RAP1GDS1: variants seen among roughly 807,000 people sequenced by gnomAD.
RAP1GDS1 encodes RAP1, GTP-GDP dissociation stimulator 1.
In RAP1GDS1, 35 loss-of-function variants were observed where a neutral mutation model predicts 71.1. That is an observed-to-expected ratio of 0.49 (90% CI 0.38 to 0.65). The LOEUF (loss-of-function observed/expected upper bound fraction) is 0.65. RAP1GDS1 is among the 30% of genes least tolerant of loss of function. The pLI, the probability that RAP1GDS1 is intolerant of heterozygous loss-of-function variation, is 0.00. For synonymous variants in RAP1GDS1, 229 were observed against 243.1 expected (o/e 0.94, Z 0.54); for missense variants, 663 against 706.1 (o/e 0.94, Z 0.69).
In RAP1GDS1 at chr4:98,416,841, C is replaced by G. The variant is rs751563026; in HGVS notation, c.860C>G (p.Thr287Ser). ...GATAGTGACAAAGAAGATGATATTA[C>G]TGAGCTCAAAACTGGTTCAGATCTC... ...KVDSDKEDDITELKTGSDLMV... is the reference protein window; with the variant it reads ...KVDSDKEDDISELKTGSDLMV... The change falls in exon 8 of 15, where the codon ACT (threonine) becomes AGT (serine). Residue 287 changes from threonine to serine, a missense_variant. By Grantham distance (58) the Thr-to-Ser change is moderately conservative. Coordinates refer to ENST00000408927, the MANE Select transcript of RAP1GDS1 (RefSeq NM_001100427.2). The G allele has an allele frequency of 6.2e-7, 1 of 1,613,986 alleles. No individual in the cohort carries two copies. The highest frequency in any genetic ancestry group is 1.1e-5 in the South Asian group (1 of 91,064).
At chr4:98,330,667 G>A (rs1205897443) in intron 2 of RAP1GDS1, among the ~76,000 whole-genome samples, 6 of 147,238 alleles carry the variant, frequency 4.1e-5, no homozygotes, top group Non-Finnish European at 7.5e-5. Context: ...ACGGGATGAC[G>A]GCCGGGAAGA....
chr4:98,286,634 T>A (rs1578307800), intron 1 of RAP1GDS1, among the ~76,000 whole-genome samples: 1 of 151,950 alleles, frequency 6.6e-6, no homozygotes, highest in Admixed American at 6.6e-5. Flanking sequence ...CCTATAATCC[T>A]AGCACTTTGG....
chr4:98,426,883 C>T (rs1749693132), intron 12 of RAP1GDS1, among the ~76,000 whole-genome samples: 1 of 152,030 alleles, frequency 6.6e-6, no homozygotes, highest in Non-Finnish European at 1.5e-5. Flanking sequence ...GCCAATATCA[C>T]CCTAATACCA....
intron 1 of RAP1GDS1, among the ~76,000 whole-genome samples, chr4:98,263,230 A>T (rs541333868): frequency 6.6e-6 from 1 of 152,166 alleles, no homozygotes; most frequent in South Asian, 2.1e-4. Flanking sequence ...CAATAACCCT[A>T]TCTGATATTG....
chr4:98,268,641 A>G (rs1203331307), intron 1 of RAP1GDS1, among the ~76,000 whole-genome samples: 3 of 152,292 alleles, frequency 2.0e-5, no homozygotes, highest in South Asian at 2.1e-4. Flanking sequence ...CAAAATCAGC[A>G]TAGAAAAATC....
At chr4:98,356,134 T>G (rs1026673925) in intron 4 of RAP1GDS1, among the ~76,000 whole-genome samples, 2 of 152,138 alleles carry the variant, frequency 1.3e-5, no homozygotes, top group Non-Finnish European at 2.9e-5. Flanking sequence ...GAAAGGAAAG[T>G]TGTATTTCAA....
intron 2 of RAP1GDS1, among the ~76,000 whole-genome samples, chr4:98,319,674 G>A (rs10034649): frequency 0.046 from 6,936 of 151,554 alleles, 396 homozygotes; most frequent in African/African-American, 0.13. Flanking sequence ...CCAGCTACTC[G>A]GGAGGTTGAG....
At chr4:98,293,697 G>T (rs186735459) in intron 2 of RAP1GDS1, among the ~76,000 whole-genome samples, 182 bp downstream of exon 2, 1 of 152,012 alleles carries the variant, frequency 6.6e-6, no homozygotes, top group African/African-American at 2.4e-5. Flanking sequence ...CCACGCCCCC[G>T]CAAGATCCTC....
At chr4:98,397,754 A>G (rs1744764072) in intron 6 of RAP1GDS1, among the ~76,000 whole-genome samples, 1 of 152,122 alleles carries the variant, frequency 6.6e-6, no homozygotes, top group African/African-American at 2.4e-5. Context: ...CTATCCAAGG[A>G]GAATGCTATG....
chr4:98,400,175 A>G (rs977095728), intron 6 of RAP1GDS1, among the ~76,000 whole-genome samples: 2 of 151,954 alleles, frequency 1.3e-5, no homozygotes, highest in Non-Finnish European at 2.9e-5. Context: ...AAAAAACACA[A>G]ATAGAACTAC....
intron 1 of RAP1GDS1, among the ~76,000 whole-genome samples, chr4:98,291,818 C>T (rs953189383): frequency 1.3e-5 from 2 of 152,066 alleles, no homozygotes; most frequent in Non-Finnish European, 1.5e-5. Flanking sequence ...TAGTCCTCAG[C>T]CTTAATCAGA....
intron 6 of RAP1GDS1, among the ~76,000 whole-genome samples, chr4:98,399,325 A>T (rs1354793836): frequency 6.6e-6 from 1 of 152,176 alleles, no homozygotes; most frequent in Non-Finnish European, 1.5e-5. Flanking sequence ...CCAACTGGGG[A>T]TTTATTCCAG....
chr4:98,361,214 C>CAT (rs927620284), intron 4 of RAP1GDS1, among the ~76,000 whole-genome samples: 5 of 151,342 alleles, frequency 3.3e-5, no homozygotes, highest in East Asian at 1.9e-4. Context: ...CACACACACA[C>CAT]ATATATATAT....
At chr4:98,378,651 A>G (rs760870376) in intron 4 of RAP1GDS1, among the ~76,000 whole-genome samples, 2 of 143,386 alleles carry the variant, frequency 1.4e-5, no homozygotes, top group South Asian at 2.2e-4. Context: ...ACAAAAACTT[A>G]TATCAATAGA....
intron 4 of RAP1GDS1, among the ~76,000 whole-genome samples, chr4:98,359,155 T>C (rs938084230): frequency 2.6e-5 from 4 of 152,082 alleles, no homozygotes; most frequent in Non-Finnish European, 5.9e-5. Context: ...CAAATTGGAC[T>C]TTTATGGAAA....
chr4:98,420,459 G>T (rs767209280), intron 11 of RAP1GDS1, among the ~76,000 whole-genome samples: 18 of 151,934 alleles, frequency 1.2e-4, no homozygotes, highest in Admixed American at 7.2e-4. Flanking sequence ...TCCGCCTCCT[G>T]GGTTCAAGCA....
Position 98,261,517 on chromosome 4 carries a change from C to G in RAP1GDS1, c.-49C>G, listed in dbSNP as rs1359308193. ...AGGACACAGAGCCGCGCCGCCCGCA[C>G]CACAGACCTTCGCCTCGCCCCGCCG... On this transcript the variant is annotated 5_prime_UTR_variant, in exon 1 of 15. Coordinates refer to ENST00000408927, the MANE Select transcript of RAP1GDS1 (RefSeq NM_001100427.2). 1 of 1,587,102 alleles carries G rather than the reference C, an allele frequency of 6.3e-7. No homozygotes were observed. The highest frequency in any genetic ancestry group is 8.6e-7 in the Non-Finnish European group (1 of 1,164,150).
intron 12 of RAP1GDS1, among the ~76,000 whole-genome samples, chr4:98,428,761 C>A (rs1228334651): frequency 6.6e-6 from 1 of 152,154 alleles, no homozygotes; most frequent in Non-Finnish European, 1.5e-5. Flanking sequence ...ACTAATACAA[C>A]CACTATGGAA....
intron 1 of RAP1GDS1, among the ~76,000 whole-genome samples, chr4:98,279,348 C>T (rs1292180196): frequency 6.6e-6 from 1 of 151,236 alleles, no homozygotes; most frequent in Non-Finnish European, 1.5e-5. Flanking sequence ...TAACTATATG[C>T]AAAAGAATTA....
Sources: gnomAD v4.1 joint callset for allele counts (sites outside exome capture counted in the v4.1 genomes callset) on GRCh38, gnomAD v4.1.1 for gene constraint, MANE v1.5 for transcripts, NCBI Gene and HGNC (gene_info 2026-07-23, HGNC 2026-07-21) for gene names.